UHRF2: variants seen among roughly 807,000 people sequenced by gnomAD.
UHRF2 encodes the protein ubiquitin like with PHD and ring finger domains 2.
In UHRF2, 23 loss-of-function variants were observed where a neutral mutation model predicts 96.8. That is an observed-to-expected ratio of 0.24 (90% CI 0.17 to 0.34). The LOEUF (loss-of-function observed/expected upper bound fraction) is 0.34. UHRF2 is among the 10% of genes least tolerant of loss of function. UHRF2 has a pLI of 1.00. For synonymous variants in UHRF2, 385 were observed against 332.6 expected (o/e 1.16, Z -1.72); for missense variants, 685 against 981.5 (o/e 0.70, Z 4.04).
intron 1 of UHRF2, 105 bp from the exon 2 acceptor site, chr9:6,420,807 C>T (rs745830188): frequency 1.2e-6 from 1 of 845,600 alleles, no homozygotes; most frequent in Non-Finnish European, 1.9e-6. Context: ...AATCTCTAAA[C>T]TGTAGTGCTA....
At chr9:6,416,274 C>T (rs1308157132) in intron 1 of UHRF2, among the ~76,000 whole-genome samples, 1 of 151,932 alleles carries the variant, frequency 6.6e-6, no homozygotes, top group Admixed American at 6.6e-5. Flanking sequence ...ATTTTGGACA[C>T]GATGGTCTCT....
chr9:6,493,785 T>G (rs776057532), intron 9 of UHRF2, 41 bp from the exon 10 acceptor site: 11 of 1,515,510 alleles, frequency 7.3e-6, no homozygotes, highest in Non-Finnish European at 9.1e-6. Flanking sequence ...GAAATTATAC[T>G]TGGGTTTAGC....
At chr9:6,428,106 A>G (rs887929670) in intron 2 of UHRF2, among the ~76,000 whole-genome samples, 2 of 152,228 alleles carry the variant, frequency 1.3e-5, no homozygotes, top group Non-Finnish European at 2.9e-5. Context: ...TGGCACTGTT[A>G]AACTTCTTAC....
At chr9:6,430,612 T>C (rs779723843) in intron 2 of UHRF2, among the ~76,000 whole-genome samples, 4 of 152,000 alleles carry the variant, frequency 2.6e-5, no homozygotes, top group Non-Finnish European at 5.9e-5. Flanking sequence ...ACCTCCCTTA[T>C]CTAACTCTTA....
intron 15 of UHRF2, among the ~76,000 whole-genome samples, chr9:6,505,602 G>A (rs1317385497): frequency 6.6e-6 from 1 of 152,130 alleles, no homozygotes; most frequent in Non-Finnish European, 1.5e-5. Flanking sequence ...TGGCTGCTAA[G>A]TATATTTTTT....
chr9:6,443,115 T>G (rs1036301060), intron 3 of UHRF2, among the ~76,000 whole-genome samples: 2 of 152,344 alleles, frequency 1.3e-5, no homozygotes, highest in African/African-American at 4.8e-5. Context: ...AAAATTCTTA[T>G]GAAAGTTAAT....
At chr9:6,495,893 G>T (rs949602721) in intron 10 of UHRF2, 5 of 151,988 alleles carry the variant, frequency 3.3e-5, no homozygotes, top group African/African-American at 1.2e-4. Flanking sequence ...GATAAAATAG[G>T]TGTAATATCT....
At chr9:6,425,346 C>T (rs1170960108) in intron 2 of UHRF2, among the ~76,000 whole-genome samples, 1 of 152,100 alleles carries the variant, frequency 6.6e-6, no homozygotes, top group Non-Finnish European at 1.5e-5. Context: ...TTTTGTTTTT[C>T]TTAAGCATTA....
At chr9:6,454,719 G>A (rs75526516) in intron 3 of UHRF2, among the ~76,000 whole-genome samples, 1,710 of 152,260 alleles carry the variant, frequency 0.011, 17 homozygotes, top group Non-Finnish European at 0.018. Flanking sequence ...TTGGTTTTGA[G>A]CAGGCCACTC....
intron 4 of UHRF2, among the ~76,000 whole-genome samples, chr9:6,469,750 G>T (rs1321605490): frequency 2.2e-5 from 3 of 135,062 alleles, no homozygotes; most frequent in African/African-American, 9.4e-5. Flanking sequence ...ATATATACAC[G>T]TATATATACA....
chr9:6,413,372 C>A lies in UHRF2; in HGVS notation c.-119C>A. On this transcript the variant is annotated 5_prime_UTR_variant, in exon 1 of 16. Transcript: ENST00000276893. Reference sequence around the variant, plus strand: ...CGGCGTCCGGTCGGTCCGGTGGGCGCGCTCGCCCGCCTGCCGCTGAGGGCC... The same window carrying A: ...CGGCGTCCGGTCGGTCCGGTGGGCGAGCTCGCCCGCCTGCCGCTGAGGGCC... 9.4e-7 allele frequency: 1 copy of A among 1,061,364 alleles called. No homozygotes were observed. Among genetic ancestry groups the A allele is most frequent in the Non-Finnish European group, 1.2e-6 (1 of 845,122 alleles). The allele number at this position is 1,061,364 out of a possible 1,614,324, so 65.7% of individuals were successfully genotyped here.
Position 6,470,180 on chromosome 9 carries a change from C to T in UHRF2, c.864-5211C>T, listed in dbSNP as rs143380400. Among the ~76,000 whole-genome samples the T allele has an allele frequency of 1.5e-4, 23 of 152,256 alleles. No homozygotes were observed. In the East Asian group the frequency reaches 4.2e-3, roughly 28 times the overall value. ...TTGAGGTCAGGAATTCAAGACCAGC[C>T]TGGCCAACATGGCAAAACCATGTCT... On this transcript the variant is annotated intron_variant, in intron 4 of 15. Coordinates refer to ENST00000276893, the MANE Select transcript of UHRF2 (RefSeq NM_152896.3).
At chr9:6,478,483 C>T (rs958170748) in intron 6 of UHRF2, among the ~76,000 whole-genome samples, 1 of 152,214 alleles carries the variant, frequency 6.6e-6, no homozygotes, top group Admixed American at 6.5e-5. Flanking sequence ...GACGTTGATA[C>T]ATTGAAGAAG....
intron 9 of UHRF2, among the ~76,000 whole-genome samples, chr9:6,493,574 A>G (rs1824799097): frequency 6.6e-6 from 1 of 152,214 alleles, no homozygotes; most frequent in Non-Finnish European, 1.5e-5. Context: ...TTTACTACAT[A>G]TATAGCATGA....
intron 3 of UHRF2, among the ~76,000 whole-genome samples, chr9:6,444,397 T>A (rs540229239): frequency 1.3e-5 from 2 of 152,356 alleles, no homozygotes; most frequent in South Asian, 4.1e-4. Context: ...GCAAGATCAC[T>A]TAGTACTTAG....
chr9:6,479,865 C>T (rs1823820144), intron 6 of UHRF2, among the ~76,000 whole-genome samples: 1 of 152,162 alleles, frequency 6.6e-6, no homozygotes, highest in African/African-American at 2.4e-5. Flanking sequence ...CCTCCCAGCC[C>T]AAACTACCAT....
chr9:6,505,552 C>T (rs1175139316), intron 15 of UHRF2, among the ~76,000 whole-genome samples: 1 of 152,234 alleles, frequency 6.6e-6, no homozygotes, highest in Non-Finnish European at 1.5e-5. Flanking sequence ...CTGCCTCAGC[C>T]TCCCAGAGTA....
intron 2 of UHRF2, among the ~76,000 whole-genome samples, chr9:6,426,248 A>G (rs1318614637): frequency 6.6e-6 from 1 of 152,176 alleles, no homozygotes; most frequent in Non-Finnish European, 1.5e-5. Flanking sequence ...ACAGAATTTA[A>G]ACTCTATTTG....
intron 1 of UHRF2, among the ~76,000 whole-genome samples, chr9:6,418,525 A>G (rs1427074430): frequency 6.6e-6 from 1 of 152,164 alleles, no homozygotes; most frequent in African/African-American, 2.4e-5. Context: ...TTACTGATCT[A>G]GTAGATTAAA....
Sources: allele counts gnomAD v4.1 joint callset (sites outside exome capture counted in the v4.1 genomes callset), GRCh38; gene constraint gnomAD v4.1.1; transcripts MANE v1.5; gene names NCBI Gene and HGNC (gene_info 2026-07-23, HGNC 2026-07-21).